The following CGNL1 variants were observed in gnomAD, a reference collection of about 807,000 sequenced individuals.
CGNL1 encodes the protein cingulin like 1, also known as cingulin-like protein 1.
CGNL1 carries 132 observed loss-of-function variants against 141.2 expected under a neutral mutation model. The ratio of observed to expected loss-of-function variants is 0.93; its 90% CI spans 0.81 to 1.08. The LOEUF (loss-of-function observed/expected upper bound fraction) is 1.08. Among genes scored for constraint, CGNL1 ranks in the 50% least tolerant of loss-of-function variants. The probability of loss-of-function intolerance (pLI) is 0.00; values close to 1 mark genes in which losing one functional copy is unlikely to be tolerated. For synonymous variants in CGNL1, 690 were observed against 622.1 expected, an observed-to-expected ratio of 1.11 and a Z score of -1.63; for missense variants, 1,870 against 1,588.6, an observed-to-expected ratio of 1.18 and a Z score of -3.01.
chr15:57,447,637 C>G (rs570026208), intron 4 of CGNL1, among the ~76,000 whole-genome samples: 1 of 152,152 alleles, frequency 6.6e-6, no homozygotes, highest in African/African-American at 2.4e-5. Flanking sequence ...TCAATGAGCT[C>G]TCGACTTGAT....
chr15:57,388,765 A>G lies in CGNL1; in HGVS notation c.-16+12198A>G, dbSNP rs1405739439. 3.3e-5 allele frequency among the ~76,000 whole-genome samples: 5 copies of G among 152,228 alleles called. No homozygotes were observed. In the South Asian group the frequency reaches 1.0e-3, roughly 32 times the overall value. ...AATCTATTAAAGTTCTCCGAGGGAGAGAATAAATGTGGGAAGAAGGACAAA... is the reference window on the plus strand; with the variant it reads ...AATCTATTAAAGTTCTCCGAGGGAGGGAATAAATGTGGGAAGAAGGACAAA... On this transcript the variant is annotated intron_variant, in intron 1 of 18. Coordinates refer to ENST00000281282, the MANE Select transcript of CGNL1 (RefSeq NM_032866.5).
At chr15:57,418,880 G>A (rs562928684) in intron 1 of CGNL1, among the ~76,000 whole-genome samples, 32 of 152,054 alleles carry the variant, frequency 2.1e-4, no homozygotes, top group Admixed American at 3.3e-4. Flanking sequence ...AGTTGGACAT[G>A]CAGCCCTGGA....
intron 8 of CGNL1, among the ~76,000 whole-genome samples, chr15:57,472,681 T>A (rs895184629): frequency 6.6e-6 from 1 of 152,156 alleles, no homozygotes. Context: ...GGGATGGGAA[T>A]AGGATTATGT....
At chr15:57,508,962 G>T (rs74623916) in intron 8 of CGNL1, among the ~76,000 whole-genome samples, 2 of 152,208 alleles carry the variant, frequency 1.3e-5, no homozygotes. Context: ...GGGATGAAGT[G>T]TGCTAGTTAA....
intron 12 of CGNL1, among the ~76,000 whole-genome samples, chr15:57,525,073 A>G (rs2031529679): frequency 6.6e-6 from 1 of 152,192 alleles, no homozygotes; most frequent in Non-Finnish European, 1.5e-5. Context: ...ATTTATTTAT[A>G]TGCTTTCATG....
At chr15:57,425,322 C>T (rs1260337317) in intron 1 of CGNL1, among the ~76,000 whole-genome samples, 1 of 152,094 alleles carries the variant, frequency 6.6e-6, no homozygotes, top group South Asian at 2.1e-4. Flanking sequence ...TATGATCTCA[C>T]CAGTGCATTC....
chr15:57,497,225 G>C (rs2063952156), intron 8 of CGNL1, among the ~76,000 whole-genome samples: 1 of 152,224 alleles, frequency 6.6e-6, no homozygotes, highest in Non-Finnish European at 1.5e-5. Flanking sequence ...TGGTCCAACA[G>C]GAAAGAAGGC....
chr15:57,451,551 T>C lies in CGNL1; in HGVS notation c.1855T>C (p.Leu619=). Residue 619 remains leucine (L), a synonymous_variant, in exon 5 of 19, where the codon TTG becomes CTG. Transcript: ENST00000281282. ...VKDLLEQKSK[L]TIEVAELQRQ... is the part of the protein sequence containing the mutation. ...AGATCTATTGGAACAGAAAAGCAAG[T>C]TGACCATAGAAGTGGCTGAACTTCA... is the stretch of plus-strand genomic sequence containing the variant. 6 of 1,613,314 alleles carry C rather than the reference T, an allele frequency of 3.7e-6. No individual in the cohort carries two copies. Among genetic ancestry groups the C allele is most frequent in the South Asian group, 1.1e-5 (1 of 90,888 alleles).
chr15:57,470,624 C>T (rs2063570723), intron 8 of CGNL1, among the ~76,000 whole-genome samples: 1 of 152,168 alleles, frequency 6.6e-6, no homozygotes, highest in Non-Finnish European at 1.5e-5. Context: ...GCTGGTTTAT[C>T]TTTAGATATG....
At chr15:57,471,640 G>T (rs1055468389) in intron 8 of CGNL1, among the ~76,000 whole-genome samples, 6 of 152,200 alleles carry the variant, frequency 3.9e-5, no homozygotes, top group Admixed American at 1.3e-4. Flanking sequence ...TTCTGGGGGG[G>T]CCTCCTGCTC....
At chr15:57,442,181 T>TTAAAAAAAAAAA (rs1567120591) in intron 3 of CGNL1, among the ~76,000 whole-genome samples, 192 bp from the exon 4 acceptor site, 1 of 20,590 alleles carries the variant, frequency 4.9e-5, no homozygotes, top group Non-Finnish European at 9.0e-5. Context: ...ATCATTTATT[T>TTAAAAAAAAAAA]GAAAAAAAAA....
chr15:57,385,952 G>A (rs576424206), intron 1 of CGNL1, among the ~76,000 whole-genome samples: 5 of 152,288 alleles, frequency 3.3e-5, no homozygotes, highest in South Asian at 4.1e-4. Context: ...CTCAAACAAC[G>A]GTAGCTCTTT....
intron 10 of CGNL1, among the ~76,000 whole-genome samples, chr15:57,521,291 T>A (rs534230806): frequency 6.6e-6 from 1 of 152,300 alleles, no homozygotes; most frequent in East Asian, 1.9e-4. Flanking sequence ...CCTTAGTACA[T>A]GTTAGAATTA....
chr15:57,441,603 A>G (rs1409501774), intron 3 of CGNL1, among the ~76,000 whole-genome samples: 2 of 152,118 alleles, frequency 1.3e-5, no homozygotes, highest in Non-Finnish European at 2.9e-5. Flanking sequence ...TCCTGACCTC[A>G]AGTGATCCAC....
intron 8 of CGNL1, among the ~76,000 whole-genome samples, chr15:57,498,261 T>TTG (rs1485196927): frequency 2.0e-5 from 3 of 149,696 alleles, no homozygotes; most frequent in Admixed American, 2.0e-4. Context: ...TTTTTTTTTT[T>TTG]TTTTGGAGAC....
chr15:57,419,794 CCT>C (rs776545431), intron 1 of CGNL1, among the ~76,000 whole-genome samples: 6 of 152,142 alleles, frequency 3.9e-5, no homozygotes, highest in South Asian at 2.1e-4. Context: ...TTCTTTTCCC[CCT>C]CTTTCTATAC....
rs561666815 is a variant in CGNL1 at position 57,389,312 on chromosome 15, A to G, written c.-16+12745A>G. Among the ~76,000 whole-genome samples, 74 of 152,312 alleles carry G rather than the reference A, an allele frequency of 4.9e-4. No homozygotes were observed. In the South Asian group the frequency reaches 0.015, roughly 31 times the overall value. On this transcript the variant is annotated intron_variant, in intron 1 of 18. Coordinates refer to ENST00000281282, the MANE Select transcript of CGNL1 (RefSeq NM_032866.5). ...CATCTCAAAAAACAAAAAACAAACC[A>G]AAAAAACCTGTAGTTTCCAACTGTC...
chr15:57,398,724 C>T (rs1053283862), intron 1 of CGNL1, among the ~76,000 whole-genome samples: 6 of 152,160 alleles, frequency 3.9e-5, no homozygotes, highest in African/African-American at 4.8e-5. Flanking sequence ...TGGGAAGGTA[C>T]ACATACCTCT....
intron 8 of CGNL1, among the ~76,000 whole-genome samples, chr15:57,501,102 C>T (rs2064017909): frequency 6.6e-6 from 1 of 152,150 alleles, no homozygotes; most frequent in African/African-American, 2.4e-5. Flanking sequence ...ATTCAGTAAC[C>T]TTGGATCGTG....
Sources: gnomAD v4.1 joint callset for allele counts (sites outside exome capture counted in the v4.1 genomes callset) on GRCh38, gnomAD v4.1.1 for gene constraint, MANE v1.5 for transcripts, NCBI Gene and HGNC (gene_info 2026-07-23, HGNC 2026-07-21) for gene names.